The following ZNF804B variants were observed in gnomAD, a reference collection of about 807,000 sequenced individuals.
ZNF804B encodes the protein zinc finger 804B.
Under a neutral mutation model 101.4 loss-of-function variants are expected in ZNF804B, and 80 were observed. That is an observed-to-expected ratio of 0.79 (90% CI 0.66 to 0.95). The LOEUF is 0.95. Among genes scored for constraint, ZNF804B ranks in the 40% least tolerant of loss-of-function variants. The pLI is 0.00. For synonymous variants in ZNF804B, 622 were observed against 558.8 expected, an observed-to-expected ratio of 1.11 and a Z score of -1.59; for missense variants, 1,673 against 1,561.9, an observed-to-expected ratio of 1.07 and a Z score of -1.20.
intron 1 of ZNF804B, among the ~76,000 whole-genome samples, chr7:89,111,823 G>A (rs1018092863): frequency 6.6e-6 from 1 of 152,054 alleles, no homozygotes; most frequent in African/African-American, 2.4e-5. Context: ...CTATAAAATT[G>A]TATTCTTAAA....
At chr7:88,771,117 TC>T (rs1278702834) in intron 1 of ZNF804B, among the ~76,000 whole-genome samples, 1 of 152,122 alleles carries the variant, frequency 6.6e-6, no homozygotes, top group Non-Finnish European at 1.5e-5. Flanking sequence ...ACCATCTACA[TC>T]CTGTATCCAG....
intron 1 of ZNF804B, among the ~76,000 whole-genome samples, chr7:89,206,232 A>G (rs1788712321): frequency 6.6e-6 from 1 of 152,142 alleles, no homozygotes. Context: ...AGGGGCTGCC[A>G]TGAAGGTATC....
chr7:89,204,761 A>C (rs1788692293), intron 1 of ZNF804B, among the ~76,000 whole-genome samples: 1 of 152,174 alleles, frequency 6.6e-6, no homozygotes, highest in South Asian at 2.1e-4. Flanking sequence ...TTAAAATGTG[A>C]CTTTGTTGAA....
intron 1 of ZNF804B, among the ~76,000 whole-genome samples, chr7:89,211,272 AT>A: frequency 6.6e-6 from 1 of 152,030 alleles, no homozygotes; most frequent in Non-Finnish European, 1.5e-5. Flanking sequence ...GATTGCAAAA[AT>A]TTTCTCCCAC....
chr7:89,096,867 A>C (rs1184757656), intron 1 of ZNF804B, among the ~76,000 whole-genome samples: 1 of 152,208 alleles, frequency 6.6e-6, no homozygotes, highest in South Asian at 2.1e-4. Context: ...GGTTAAAATT[A>C]TGCAATGAAA....
intron 1 of ZNF804B, among the ~76,000 whole-genome samples, chr7:89,173,309 T>C (rs960625093): frequency 3.9e-5 from 6 of 152,002 alleles, no homozygotes; most frequent in Non-Finnish European, 7.4e-5. Context: ...TTTTTTTATA[T>C]TTACCTGAAT....
intron 1 of ZNF804B, among the ~76,000 whole-genome samples, chr7:89,104,016 A>G (rs185272354): frequency 6.6e-6 from 1 of 152,082 alleles, no homozygotes; most frequent in East Asian, 1.9e-4. Flanking sequence ...AGCATTGTTT[A>G]TATAGTGGAC....
chr7:88,997,425 T>G (rs1673665295), intron 1 of ZNF804B, among the ~76,000 whole-genome samples: 1 of 152,148 alleles, frequency 6.6e-6, no homozygotes, highest in African/African-American at 2.4e-5. Context: ...TAAACTACTG[T>G]ATTTTTGTTT....
chr7:89,193,556 T>C (rs1033657967), intron 1 of ZNF804B, among the ~76,000 whole-genome samples: 11 of 148,726 alleles, frequency 7.4e-5, no homozygotes, highest in African/African-American at 2.7e-4. Context: ...AGTGATAACA[T>C]GTTGTGTTTG....
intron 1 of ZNF804B, among the ~76,000 whole-genome samples, chr7:88,975,181 G>A (rs922690687): frequency 6.6e-6 from 1 of 151,354 alleles, no homozygotes; most frequent in Admixed American, 6.6e-5. Flanking sequence ...TCAGTCTGTG[G>A]ATGGACACTT....
chr7:89,247,563 A>T (rs1789469300), intron 2 of ZNF804B, among the ~76,000 whole-genome samples: 1 of 152,154 alleles, frequency 6.6e-6, no homozygotes, highest in East Asian at 1.9e-4. Context: ...AAAGGGAAAT[A>T]AAAAAATAAT....
chr7:89,122,485 G>A (rs966626165), intron 1 of ZNF804B, among the ~76,000 whole-genome samples: 1 of 152,178 alleles, frequency 6.6e-6, no homozygotes, highest in Admixed American at 6.5e-5. Context: ...CTGACTTTTA[G>A]TAGGTATTAT....
intron 1 of ZNF804B, among the ~76,000 whole-genome samples, chr7:89,208,625 A>T (rs1012930917): frequency 1.3e-5 from 2 of 152,258 alleles, no homozygotes; most frequent in African/African-American, 4.8e-5. Flanking sequence ...TGGTGGAGGA[A>T]CTGTATATTA....
intron 2 of ZNF804B, among the ~76,000 whole-genome samples, chr7:89,233,099 T>C (rs1258385701): frequency 6.6e-6 from 1 of 152,004 alleles, no homozygotes; most frequent in Non-Finnish European, 1.5e-5. Context: ...TTTTTTTTTT[T>C]GTATTTTTAG....
chr7:89,132,480 C>T (rs2116381572), intron 1 of ZNF804B, among the ~76,000 whole-genome samples: 1 of 152,058 alleles, frequency 6.6e-6, no homozygotes, highest in Admixed American at 6.6e-5. Context: ...CAGCATAGCA[C>T]AGTGGCTACA....
chr7:89,149,780 G>T (rs1019507330), intron 1 of ZNF804B, among the ~76,000 whole-genome samples: 3 of 150,932 alleles, frequency 2.0e-5, no homozygotes, highest in Non-Finnish European at 4.4e-5. Context: ...ATACCAGATT[G>T]GCAGGAGCAA....
chr7:88,871,185 G>T (rs1252606851), intron 1 of ZNF804B, among the ~76,000 whole-genome samples: 1 of 152,030 alleles, frequency 6.6e-6, no homozygotes, highest in Non-Finnish European at 1.5e-5. Context: ...AATAAAACAT[G>T]GTATCTTTCA....
chr7:89,053,701 C>T (rs1318187711), intron 1 of ZNF804B, among the ~76,000 whole-genome samples: 4 of 151,460 alleles, frequency 2.6e-5, no homozygotes, highest in African/African-American at 9.7e-5. Context: ...AATCGCTTTT[C>T]TTCTTTGCAT....
chr7:89,166,040 C>T (rs1238891706), intron 1 of ZNF804B, among the ~76,000 whole-genome samples: 1 of 152,070 alleles, frequency 6.6e-6, no homozygotes, highest in Non-Finnish European at 1.5e-5. Flanking sequence ...GAAATAATTT[C>T]AGAATGTCAC....
Sources: allele counts gnomAD v4.1 joint callset (sites outside exome capture counted in the v4.1 genomes callset), GRCh38; gene constraint gnomAD v4.1.1; transcripts MANE v1.5; gene names NCBI Gene and HGNC (gene_info 2026-07-23, HGNC 2026-07-21).